ANO4: variants seen among roughly 807,000 people sequenced by gnomAD.
The protein encoded by ANO4 is anoctamin 4.
Under a neutral mutation model 141.9 loss-of-function variants are expected in ANO4, and 69 were observed. The ratio of observed to expected loss-of-function variants is 0.49; its 90% CI spans 0.40 to 0.59. The LOEUF (loss-of-function observed/expected upper bound fraction) is 0.59. ANO4 is among the 20% of genes least tolerant of loss of function. The pLI is 0.00. For missense variants in ANO4, 894 were observed against 1,162.2 expected (o/e 0.77, Z 3.36); for synonymous variants, 350 against 394.3 (o/e 0.89, Z 1.33).
intron 3 of ANO4, among the ~76,000 whole-genome samples, chr12:100,754,621 A>T (rs968696209): frequency 4.6e-5 from 7 of 152,204 alleles, no homozygotes; most frequent in Admixed American, 3.9e-4. Flanking sequence ...ACAAATGTTC[A>T]TAGCAGCACT....
At chr12:100,741,867 C>A (rs143795138) in intron 3 of ANO4, among the ~76,000 whole-genome samples, 3,561 of 152,166 alleles carry the variant, frequency 0.023, 75 homozygotes, top group Middle Eastern at 0.051. Flanking sequence ...CCCAGGGTAG[C>A]TGAAAGCTTA....
chr12:100,748,323 C>T (rs1033116412), intron 3 of ANO4, among the ~76,000 whole-genome samples: 2 of 152,226 alleles, frequency 1.3e-5, no homozygotes, highest in African/African-American at 4.8e-5. Context: ...ACCTGAACAA[C>T]TGATGTGACC....
At chr12:100,989,975 A>ATG (rs2045007549) in intron 8 of ANO4, among the ~76,000 whole-genome samples, 2 of 131,852 alleles carry the variant, frequency 1.5e-5, no homozygotes, top group African/African-American at 5.8e-5. Context: ...ATAGGTCACC[A>ATG]GATGGATGGA....
chr12:100,803,592 T>C (rs2034822792), intron 1 of ANO4, among the ~76,000 whole-genome samples: 2 of 152,196 alleles, frequency 1.3e-5, no homozygotes, highest in African/African-American at 4.8e-5. Flanking sequence ...TCTAAAATAA[T>C]TAGGATTTAA....
intron 24 of ANO4, among the ~76,000 whole-genome samples, chr12:101,115,972 A>C (rs764254606): frequency 1.1e-4 from 16 of 152,144 alleles, no homozygotes; most frequent in Non-Finnish European, 2.1e-4. Context: ...GGGCATACAT[A>C]TATGCTGCCA....
At chr12:100,804,853 C>T (rs756478890) in intron 1 of ANO4, among the ~76,000 whole-genome samples, 7 of 151,968 alleles carry the variant, frequency 4.6e-5, no homozygotes, top group Admixed American at 6.6e-5. Context: ...GGAGATCAGA[C>T]CTTTGTCAGA....
chr12:100,741,919 A>C (rs2031881900), intron 3 of ANO4, among the ~76,000 whole-genome samples: 1 of 152,162 alleles, frequency 6.6e-6, no homozygotes, highest in Non-Finnish European at 1.5e-5. Context: ...GGCAGCTGCC[A>C]GATTAACATT....
rs201341711 is a variant in ANO4, at chr12:101,104,664, TATATATAA to T, written c.2149+4948_2149+4955del. On this transcript the variant is annotated intron_variant, in intron 22 of 27. Coordinates refer to ENST00000392977, the MANE Select transcript of ANO4 (RefSeq NM_001286615.2). The stretch of plus-strand genomic sequence containing the variant: ...ATATATATATATATATATATATATA[TATATATAA>T]ATAAAAAGATTTACCTTATGCTCCT... 7.6e-3 allele frequency among the ~76,000 whole-genome samples: 463 copies of T among 60,756 alleles called. 6 individuals carry two copies. Among genetic ancestry groups the T allele is most frequent in the African/African-American group, 0.026 (205 of 7,766 alleles). 39.9% of individuals were successfully genotyped at this position (60,756 alleles called of 152,430 possible). A position where few individuals can be genotyped will look rare whatever the true frequency, so the allele number is the denominator to read the frequency against.
intron 1 of ANO4, among the ~76,000 whole-genome samples, chr12:100,823,820 G>A (rs1340717593): frequency 6.6e-6 from 1 of 151,950 alleles, no homozygotes; most frequent in African/African-American, 2.4e-5. Context: ...AAATCTATTT[G>A]GAGAAGGAGC....
chr12:101,081,022 A>T (rs10745904), intron 15 of ANO4, among the ~76,000 whole-genome samples: 1 of 141,240 alleles, frequency 7.1e-6, no homozygotes, highest in Non-Finnish European at 1.5e-5. Flanking sequence ...TATGTATGTG[A>T]GTGTGTGTAT....
chr12:101,075,008 TA>T (rs1689587499), intron 14 of ANO4, among the ~76,000 whole-genome samples: 1 of 152,106 alleles, frequency 6.6e-6, no homozygotes, highest in African/African-American at 2.4e-5. Flanking sequence ...TTTGGGTTTT[TA>T]TTGGTTTTGT....
At chr12:100,801,500 A>T (rs1328620253) in intron 1 of ANO4, among the ~76,000 whole-genome samples, 2 of 147,416 alleles carry the variant, frequency 1.4e-5, no homozygotes, top group African/African-American at 5.0e-5. Flanking sequence ...GGAATGAAAG[A>T]TTTTTTTTTT....
At chr12:101,013,522 A>G (rs2046193668) in intron 8 of ANO4, among the ~76,000 whole-genome samples, 1 of 152,152 alleles carries the variant, frequency 6.6e-6, no homozygotes. Context: ...TCAAGGGGAG[A>G]TGCAGGGTTT....
At chr12:100,756,040 T>C (rs896644436) in intron 3 of ANO4, among the ~76,000 whole-genome samples, 2 of 152,202 alleles carry the variant, frequency 1.3e-5, no homozygotes, top group African/African-American at 4.8e-5. Flanking sequence ...CATGTCATTA[T>C]TTTAATTACG....
chr12:101,011,734 G>A (rs1055395102), intron 8 of ANO4, among the ~76,000 whole-genome samples: 3 of 152,042 alleles, frequency 2.0e-5, no homozygotes, highest in African/African-American at 7.2e-5. Flanking sequence ...TCACTCCAGG[G>A]TCAAAAAACC....
chr12:100,829,302 T>C (rs772586676), intron 1 of ANO4, among the ~76,000 whole-genome samples: 1 of 152,202 alleles, frequency 6.6e-6, no homozygotes, highest in African/African-American at 2.4e-5. Flanking sequence ...TTCTTATCAT[T>C]AAATGAGTTT....
intron 7 of ANO4, among the ~76,000 whole-genome samples, chr12:100,985,767 A>T (rs2136326189): frequency 6.6e-6 from 1 of 152,326 alleles, no homozygotes; most frequent in South Asian, 2.1e-4. Flanking sequence ...GATCATGGTG[A>T]GGCTGGAACA....
At chr12:100,789,944 G>A (rs1371613894), upstream of ANO4, among the ~76,000 whole-genome samples, 1 of 152,252 alleles carries the variant, frequency 6.6e-6, no homozygotes, top group African/African-American at 2.4e-5. Flanking sequence ...ATAAAAAGAC[G>A]AGAAAAAACA....
rs1301506426 is a variant in ANO4 at position 100,794,961 on chromosome 12, C to T, written c.-207C>T. On this transcript the variant is annotated 5_prime_UTR_variant, in exon 1 of 28. Coordinates refer to ENST00000392977, the MANE Select transcript of ANO4 (RefSeq NM_001286615.2). ...CTGGAGGTTCACAGTGGATTTCTTT[C>T]TGCCGAAGACACCAAGGCACTGAGG... The T allele has an allele frequency of 1.3e-5, 2 of 152,702 alleles. No individual in the cohort carries two copies. The highest frequency in any genetic ancestry group is 2.9e-5 in the Non-Finnish European group (2 of 68,094). 9.5% of individuals were successfully genotyped at this position (152,702 alleles called of 1,614,324 possible). A position where few individuals can be genotyped will look rare whatever the true frequency, so the allele number is the denominator to read the frequency against.
Sources: allele counts gnomAD v4.1 joint callset (sites outside exome capture counted in the v4.1 genomes callset), GRCh38; gene constraint gnomAD v4.1.1; transcripts MANE v1.5; gene names NCBI Gene and HGNC (gene_info 2026-07-23, HGNC 2026-07-21).